NXN: variants seen among roughly 807,000 people sequenced by gnomAD.
The protein encoded by NXN is nucleoredoxin.
NXN carries 16 observed loss-of-function variants against 48.6 expected under a neutral mutation model. That is an observed-to-expected ratio of 0.33 (90% CI 0.22 to 0.50). The LOEUF (loss-of-function observed/expected upper bound fraction) is 0.50. Among genes scored for constraint, NXN ranks in the 20% least tolerant of loss-of-function variants. NXN has a pLI of 0.98. For missense variants in NXN, 492 were observed against 605.5 expected, an observed-to-expected ratio of 0.81 and a Z score of 1.97; for synonymous variants, 281 against 269.6, an observed-to-expected ratio of 1.04 and a Z score of -0.41.
chr17:947,286 G>A (rs959812340), intron 1 of NXN, among the ~76,000 whole-genome samples: 1 of 152,146 alleles, frequency 6.6e-6, no homozygotes, highest in South Asian at 2.1e-4. Context: ...GATGGACTCT[G>A]TATGTGAATG....
intron 1 of NXN, among the ~76,000 whole-genome samples, chr17:948,649 C>T (rs1026927801): frequency 3.3e-5 from 5 of 151,988 alleles, no homozygotes; most frequent in African/African-American, 4.8e-5. Flanking sequence ...CGGTGCTTCA[C>T]GGAACAAACG....
chr17:967,507 C>T (rs1001293372), intron 1 of NXN, among the ~76,000 whole-genome samples: 1 of 152,106 alleles, frequency 6.6e-6, no homozygotes, highest in African/African-American at 2.4e-5. Flanking sequence ...ATTCTACACA[C>T]CTAGATAAGG....
In NXN at chr17:825,448, G is replaced by T. The variant is rs141238863; in HGVS notation, c.478+513C>A. On this transcript the variant is annotated intron_variant, in intron 2 of 7. Coordinates refer to ENST00000336868, the MANE Select transcript of NXN (RefSeq NM_022463.5). This position sits in a 1 kb window ranked among gnomAD's most constrained non-coding sequence, Gnocchi z 4.1. The stretch of plus-strand genomic sequence containing the variant: ...CGGACGGCCCTGAGCGGGGCGGCTG[G>T]AGGAGCACAGCCCACGCGTAGCCAG... 6 of 157,854 alleles carry T rather than the reference G, an allele frequency of 3.8e-5. No individual in the cohort carries two copies. Among genetic ancestry groups the T allele is most frequent in the African/African-American group, 1.4e-4 (6 of 41,596 alleles). 9.8% of individuals were successfully genotyped at this position (157,854 alleles called of 1,614,324 possible). A position where few individuals can be genotyped will look rare whatever the true frequency, so the allele number is the denominator to read the frequency against.
intron 5 of NXN, among the ~76,000 whole-genome samples, chr17:816,614 C>T (rs1567815169): frequency 6.6e-6 from 1 of 152,118 alleles, no homozygotes; most frequent in Non-Finnish European, 1.5e-5. Context: ...ACTCACAGTT[C>T]AACTGACATC....
intron 1 of NXN, among the ~76,000 whole-genome samples, chr17:848,525 T>C (rs1289519613): frequency 6.6e-6 from 1 of 152,206 alleles, no homozygotes; most frequent in African/African-American, 2.4e-5. Context: ...TCGTGCCTGG[T>C]CATTAAGAAA....
intron 1 of NXN, among the ~76,000 whole-genome samples, chr17:845,079 A>G (rs1162029359): frequency 6.6e-6 from 1 of 152,084 alleles, no homozygotes; most frequent in Non-Finnish European, 1.5e-5. Context: ...ACAGCACGGG[A>G]GAGAACTCCT....
At chr17:951,848 CA>C (rs1412533176) in intron 1 of NXN, among the ~76,000 whole-genome samples, 1 of 152,086 alleles carries the variant, frequency 6.6e-6, no homozygotes, top group Non-Finnish European at 1.5e-5. Flanking sequence ...GGCAGGAAAG[CA>C]ATGAGCTCGG....
intron 1 of NXN, among the ~76,000 whole-genome samples, chr17:924,529 G>A (rs970749271): frequency 3.3e-5 from 5 of 152,328 alleles, no homozygotes; most frequent in South Asian, 2.1e-4. Flanking sequence ...GAGCCACTGC[G>A]CCCGGCCGAT....
At chr17:841,449 T>TCTCACACCCACAGGCAGGTCCCCCC (rs1567827537) in intron 1 of NXN, among the ~76,000 whole-genome samples, 24 of 47,008 alleles carry the variant, frequency 5.1e-4, no homozygotes, top group African/African-American at 6.9e-4. Context: ...CAGGTCCCCC[T>TCTCACACCCACAGGCAGGTCCCCCC]GACCACGGCG....
intron 1 of NXN, among the ~76,000 whole-genome samples, chr17:832,417 A>G (rs1597641653): frequency 6.6e-6 from 1 of 150,976 alleles, no homozygotes; most frequent in African/African-American, 2.4e-5. Flanking sequence ...CGATCTCCTG[A>G]CCTCGTGTCC....
At chr17:941,816 G>C (rs1420070824) in intron 1 of NXN, among the ~76,000 whole-genome samples, 16 of 62,578 alleles carry the variant, frequency 2.6e-4, no homozygotes, top group East Asian at 1.5e-3. Flanking sequence ...TGGATTTACA[G>C]TGAACAAGAT....
intron 1 of NXN, among the ~76,000 whole-genome samples, chr17:840,989 A>G (rs8082184): frequency 0.46 from 69,525 of 152,040 alleles, 17,279 homozygotes; most frequent in East Asian, 0.78. Flanking sequence ...GGCAGAGTGT[A>G]GGGTGAGAGT....
chr17:857,152 C>T (rs950722428), intron 1 of NXN, among the ~76,000 whole-genome samples: 2 of 152,234 alleles, frequency 1.3e-5, no homozygotes, highest in African/African-American at 4.8e-5. Flanking sequence ...AGTCGAAAGT[C>T]AGGGCACCAG....
At chr17:867,874 C>CGACA in intron 1 of NXN, among the ~76,000 whole-genome samples, 1 of 150,480 alleles carries the variant, frequency 6.6e-6, no homozygotes, top group Non-Finnish European at 1.5e-5. Context: ...TGCAGTAAGC[C>CGACA]GACAGAATGA....
intron 1 of NXN, among the ~76,000 whole-genome samples, chr17:843,920 G>C (rs946168649): frequency 4.6e-5 from 7 of 152,262 alleles, no homozygotes; most frequent in Middle Eastern, 3.4e-3. Context: ...GTGAGACTAA[G>C]AAAAAAGAAC....
chr17:899,139 G>A (rs558606229), intron 1 of NXN, among the ~76,000 whole-genome samples: 66 of 152,126 alleles, frequency 4.3e-4, no homozygotes, highest in African/African-American at 1.3e-3. Context: ...TGTATTTTTA[G>A]TAGAGACGCG....
chr17:803,665 C>T lies in NXN; in HGVS notation c.1125+17G>A. ...CAGCTGAGCCAGCCCTGGGCCAAGC[C>T]TCTCCTCCGCACTCACCTCCCCGGC... On this transcript the variant is annotated intron_variant, in intron 7 of 7. Coordinates refer to ENST00000336868, the MANE Select transcript of NXN (RefSeq NM_022463.5). 1.2e-6 allele frequency: 2 copies of T among 1,614,082 alleles called. No individual in the cohort carries two copies. The highest frequency in any genetic ancestry group is 2.2e-5 in the South Asian group (2 of 91,082).
intron 1 of NXN, 151 bp from the exon 2 acceptor site, chr17:826,229 A>C (rs1000521811): frequency 1.4e-6 from 1 of 695,608 alleles, no homozygotes. Context: ...GCTGCTGGGC[A>C]AAGGGGCACG....
At chr17:938,259 G>A (rs1352539949) in intron 1 of NXN, among the ~76,000 whole-genome samples, 2 of 152,248 alleles carry the variant, frequency 1.3e-5, no homozygotes, top group South Asian at 2.1e-4. Context: ...TGAAAAGCAC[G>A]AGATGATGGG....
Sources: gnomAD v4.1 joint callset for allele counts (sites outside exome capture counted in the v4.1 genomes callset) on GRCh38, gnomAD v4.1.1 for gene constraint, Gnocchi (gnomAD v3.1) non-coding constraint, MANE v1.5 for transcripts, NCBI Gene and HGNC (gene_info 2026-07-23, HGNC 2026-07-21) for gene names.